Variants in DLG2 observed in about 807,000 individuals in gnomAD.
The protein encoded by DLG2 is discs large MAGUK scaffold protein 2, also known as disks large homolog 2.
DLG2 carries 45 observed loss-of-function variants against 132.5 expected under a neutral mutation model. That is an observed-to-expected ratio of 0.34 (90% confidence interval 0.27 to 0.44). The LOEUF (loss-of-function observed/expected upper bound fraction) is 0.44. Ranked by LOEUF, DLG2 falls within the 20% of genes least tolerant of loss-of-function variation. DLG2 has a pLI of 1.00. For synonymous variants in DLG2, 424 were observed against 419.6 expected (o/e 1.01, Z -0.13); for missense variants, 1,045 against 1,196.9 (o/e 0.87, Z 1.87).
At chr11:84,330,951 A>C (rs2098455698) in intron 7 of DLG2, among the ~76,000 whole-genome samples, 1 of 152,182 alleles carries the variant, frequency 6.6e-6, no homozygotes, top group African/African-American at 2.4e-5. Flanking sequence ...CAAAATTTGC[A>C]TTTGCCTTCT....
chr11:85,542,463 A>T (rs1161873577), intron 3 of DLG2, among the ~76,000 whole-genome samples: 2 of 152,218 alleles, frequency 1.3e-5, no homozygotes, highest in Admixed American at 6.5e-5. Flanking sequence ...AGGACAAAAT[A>T]CATTTTGTTT....
chr11:84,458,927 C>T (rs1285636402), intron 7 of DLG2, among the ~76,000 whole-genome samples: 1 of 150,600 alleles, frequency 6.6e-6, no homozygotes, highest in Non-Finnish European at 1.5e-5. Flanking sequence ...ACTTAGTCCT[C>T]ATAAACACCT....
At chr11:83,648,873 G>A (rs771715170) in intron 18 of DLG2, among the ~76,000 whole-genome samples, 10 of 152,126 alleles carry the variant, frequency 6.6e-5, no homozygotes, top group Non-Finnish European at 1.0e-4. Context: ...ACATTTCTTT[G>A]AAACTTCCTT....
At chr11:83,805,641 T>A (rs2045707015) in intron 17 of DLG2, among the ~76,000 whole-genome samples, 1 of 152,128 alleles carries the variant, frequency 6.6e-6, no homozygotes, top group Non-Finnish European at 1.5e-5. Flanking sequence ...ACAACCACTC[T>A]ACTTTTCTTT....
At chr11:84,857,267 T>A (rs547743419) in intron 6 of DLG2, among the ~76,000 whole-genome samples, 30 of 151,972 alleles carry the variant, frequency 2.0e-4, no homozygotes, top group African/African-American at 7.0e-4. Flanking sequence ...GCAGGTCCTA[T>A]CAGGATTGAA....
chr11:85,120,151 A>T lies in DLG2; in HGVS notation c.283-8416T>A, dbSNP rs527829056. Among the ~76,000 whole-genome samples the T allele has an allele frequency of 3.9e-4, 59 of 152,180 alleles. No individual in the cohort carries two copies. In the South Asian group the frequency reaches 0.011, roughly 27 times the overall value. On this transcript the variant is annotated intron_variant, in intron 5 of 27. Coordinates refer to ENST00000376104, the MANE Select transcript of DLG2 (RefSeq NM_001142699.3). ...TTACCTAAAATCTTGGCAAAACCTA[A>T]CACAAAGAAAAGGGTCAATGGATAT...
intron 3 of DLG2, among the ~76,000 whole-genome samples, chr11:85,430,617 A>C (rs1173680804): frequency 1.3e-5 from 2 of 152,134 alleles, no homozygotes; most frequent in Non-Finnish European, 2.9e-5. Context: ...TACTCCATAG[A>C]GCTCCCAAAA....
At chr11:84,587,463 T>A (rs2099532469) in intron 6 of DLG2, among the ~76,000 whole-genome samples, 1 of 152,222 alleles carries the variant, frequency 6.6e-6, no homozygotes, top group Non-Finnish European at 1.5e-5. Context: ...AAATCAAGCT[T>A]CATGATGTAT....
chr11:85,093,397 T>G (rs1426106289), intron 6 of DLG2, among the ~76,000 whole-genome samples: 2 of 152,122 alleles, frequency 1.3e-5, no homozygotes, highest in African/African-American at 4.8e-5. Flanking sequence ...CCCCACCCAG[T>G]ACACTCAGAC....
intron 8 of DLG2, among the ~76,000 whole-genome samples, chr11:84,216,417 G>A (rs545853579): frequency 3.3e-5 from 5 of 152,118 alleles, no homozygotes; most frequent in African/African-American, 7.2e-5. Context: ...AGAGATCACG[G>A]GGGGCAAAAA....
intron 15 of DLG2, among the ~76,000 whole-genome samples, chr11:83,891,859 A>T (rs918300372): frequency 1.3e-5 from 2 of 152,158 alleles, no homozygotes; most frequent in Non-Finnish European, 2.9e-5. Flanking sequence ...GTTTGACTTC[A>T]TGGGATCTGT....
chr11:84,431,132 A>G (rs930131530), intron 7 of DLG2, among the ~76,000 whole-genome samples: 6 of 152,212 alleles, frequency 3.9e-5, no homozygotes, highest in Non-Finnish European at 7.3e-5. Flanking sequence ...TTTCACAGGA[A>G]AAATAAACTT....
intron 18 of DLG2, among the ~76,000 whole-genome samples, chr11:83,695,087 T>G (rs1473198089): frequency 6.6e-6 from 1 of 152,240 alleles, no homozygotes; most frequent in Admixed American, 6.5e-5. Context: ...TCTCTTTCCT[T>G]TAAGTCTTAC....
intron 19 of DLG2, among the ~76,000 whole-genome samples, chr11:83,627,350 C>T (rs1591234824): frequency 6.6e-6 from 1 of 151,766 alleles, no homozygotes; most frequent in African/African-American, 2.4e-5. Flanking sequence ...TAATGCTATC[C>T]CTCCCCTCTT....
chr11:84,564,191 T>C (rs2099440441), intron 6 of DLG2, among the ~76,000 whole-genome samples: 1 of 152,164 alleles, frequency 6.6e-6, no homozygotes, highest in Non-Finnish European at 1.5e-5. Flanking sequence ...CAAAGGCTCG[T>C]CTATGCAGTA....
At chr11:84,473,997 A>G (rs886411526) in intron 7 of DLG2, among the ~76,000 whole-genome samples, 2 of 152,004 alleles carry the variant, frequency 1.3e-5, no homozygotes, top group Non-Finnish European at 2.9e-5. Flanking sequence ...AAAGTAGTTC[A>G]TTCTCCTATT....
rs2097718627 is a variant in DLG2 at position 84,271,287 on chromosome 11, C to T, written c.520-19996G>A. On this transcript the variant is annotated intron_variant, in intron 7 of 27. Transcript: ENST00000376104. Reference sequence around the variant, plus strand: ...TAGAGCAGTCAAAACTAAAGCAAACCTGAATGATAATTTGGGCATGATTTT... The same window carrying T: ...TAGAGCAGTCAAAACTAAAGCAAACTTGAATGATAATTTGGGCATGATTTT... 2.0e-5 allele frequency among the ~76,000 whole-genome samples: 3 copies of T among 152,202 alleles called. No individual in the cohort carries two copies. The East Asian group carries it at 5.8e-4, about 29-fold the overall frequency.
rs571357361 is a variant in DLG2 at position 83,609,851 on chromosome 11, T to C, written c.1940+23360A>G. ...TTCAGAATTATGTCCTCATGTAAAA[T>C]AGAATTTGCCTTTCTTGGGCAAAGG... On this transcript the variant is annotated intron_variant, in intron 19 of 27. Coordinates refer to ENST00000376104, the MANE Select transcript of DLG2 (RefSeq NM_001142699.3). Among the ~76,000 whole-genome samples, 9 of 152,314 alleles carry C rather than the reference T, an allele frequency of 5.9e-5. No homozygotes were observed. The South Asian group carries it at 1.2e-3, about 21-fold the overall frequency.
intron 6 of DLG2, among the ~76,000 whole-genome samples, chr11:85,011,780 C>G (rs1439652044): frequency 1.3e-5 from 2 of 152,162 alleles, no homozygotes; most frequent in Non-Finnish European, 2.9e-5. Flanking sequence ...TTATAAGACT[C>G]CTCCATCTAT....
Sources: gnomAD v4.1 joint callset for allele counts (sites outside exome capture counted in the v4.1 genomes callset) on GRCh38, gnomAD v4.1.1 for gene constraint, MANE v1.5 for transcripts, NCBI Gene and HGNC (gene_info 2026-07-23, HGNC 2026-07-21) for gene names.